The following CCNA2 variants were observed in gnomAD, a reference collection of about 807,000 sequenced individuals.
CCNA2 encodes cyclin-A2.
CCNA2 carries 3 observed loss-of-function variants against 49.4 expected under a neutral mutation model. That is an observed-to-expected ratio of 0.06 (90% CI 0.03 to 0.16). CCNA2 has a LOEUF of 0.16. CCNA2 is among the 10% of genes least tolerant of loss of function. CCNA2 has a pLI of 1.00. For missense variants in CCNA2, 372 were observed against 519.7 expected (o/e 0.72, Z 2.76); for synonymous variants, 206 against 197.2 (o/e 1.04, Z -0.37).
chr4:121,821,125 T>G, intron 2 of CCNA2, 34 bp from the exon 3 acceptor site: 1 of 1,595,414 alleles, frequency 6.3e-7, no homozygotes, highest in Non-Finnish European at 8.5e-7. Context: ...TTAAATTAAT[T>G]GTTTGCCTAT....
At chr4:121,818,524 C>G (rs3217769) in intron 6 of CCNA2, among the ~76,000 whole-genome samples, 4 of 152,092 alleles carry the variant, frequency 2.6e-5, no homozygotes, top group South Asian at 2.1e-4. Flanking sequence ...ATACCCAAAT[C>G]TGTACATATT....
rs1267823798 is a variant in CCNA2 at position 121,823,613 on chromosome 4, CAG to C, written c.14_15del (p.Ser5CysfsTer71). On this transcript the variant is annotated frameshift_variant, in exon 1 of 8. Coordinates refer to ENST00000274026, the MANE Select transcript of CCNA2 (RefSeq NM_001237.5). LOFTEE classifies it high-confidence loss of function. Reference sequence around the variant, plus strand: ...GCCTCGCGGGTCGCAGGCCCCGGCGCAGAGTTGCCCAACATCACTGCTCCCGG... The same window carrying C: ...GCCTCGCGGGTCGCAGGCCCCGGCGCAGTTGCCCAACATCACTGCTCCCGG... MLGN[S>X]APGPATREAG... 6.3e-7 allele frequency: 1 copy of C among 1,593,998 alleles called. No homozygotes were observed. Among genetic ancestry groups the C allele is most frequent in the Admixed American group, 1.7e-5 (1 of 57,680 alleles).
In CCNA2 at chr4:121,816,504, T is replaced by C; in HGVS notation, c.*1134A>G. 1 of 1,166,106 alleles carries C rather than the reference T, an allele frequency of 8.6e-7. No individual in the cohort carries two copies. Among genetic ancestry groups the C allele is most frequent in the African/African-American group, 1.6e-5 (1 of 63,930 alleles). 72.2% of individuals were successfully genotyped at this position (1,166,106 alleles called of 1,614,324 possible). A position where few individuals can be genotyped will look rare whatever the true frequency, so the allele number is the denominator to read the frequency against. ...ACATATACTCAACACTTATAGAGGT[T>C]TGCTCTCTGGTTTTACTCTCATCTT... On this transcript the variant is annotated 3_prime_UTR_variant, in exon 8 of 8. Coordinates refer to ENST00000274026, the MANE Select transcript of CCNA2 (RefSeq NM_001237.5).
rs1724634538 is a variant in CCNA2, at chr4:121,819,424, T to C, written c.950A>G (p.Gln317Arg). 1 of 1,614,010 alleles carries C rather than the reference T, an allele frequency of 6.2e-7. No homozygotes were observed. The highest frequency in any genetic ancestry group is 8.5e-7 in the Non-Finnish European group (1 of 1,180,014). ...AAPTVNQFLT[Q>R]YFLHQQPANC... ...TGCAGGCTGCTGATGCAGAAAGTAT[T>C]GGGTAAGAAACTGATTTACTGTTGG... The change falls in exon 5 of 8, where the codon CAA becomes CGA. Residue 317 changes from glutamine to arginine, a missense_variant. By Grantham distance (43) the Gln-to-Arg change is conservative (BLOSUM62 1). This residue lies in a region of CCNA2 where 155 missense variants were observed against 288.1 expected (regional missense o/e 0.54). Transcript: ENST00000274026.
At chr4:121,822,284 A>G in intron 2 of CCNA2, 119 bp downstream of exon 2, 1 of 992,158 alleles carries the variant, frequency 1.0e-6, no homozygotes, top group Non-Finnish European at 1.5e-6. Flanking sequence ...GCCTTGTTAC[A>G]TTAAACCTAA....
chr4:121,823,827 AG>A lies in CCNA2; in HGVS notation c.-200del. On this transcript the variant is annotated 5_prime_UTR_variant, in exon 1 of 8. Coordinates refer to ENST00000274026, the MANE Select transcript of CCNA2 (RefSeq NM_001237.5). ...CGAGGAGGTTGCGAAAGGCGCAGGC[AG>A]GCACTGCCCAGCGTGGCGAGCCAAA... The A allele has an allele frequency of 1.0e-6, 1 of 998,908 alleles. No individual in the cohort carries two copies. Among genetic ancestry groups the A allele is most frequent in the South Asian group, 1.8e-5 (1 of 55,348 alleles). The allele number at this position is 998,908 out of a possible 1,614,324, so 61.9% of individuals were successfully genotyped here.
At chr4:121,822,227 A>T (rs1445648378) in intron 2 of CCNA2, among the ~76,000 whole-genome samples, 176 bp downstream of exon 2, 2 of 152,186 alleles carry the variant, frequency 1.3e-5, no homozygotes, top group Non-Finnish European at 2.9e-5. Context: ...TATGTCACCA[A>T]GTCAAGTGTT....
chr4:121,817,900 C>A, intron 7 of CCNA2, 144 bp downstream of exon 7: 2 of 1,044,850 alleles, frequency 1.9e-6, no homozygotes, highest in Non-Finnish European at 1.4e-6. Flanking sequence ...AAAGCATGAA[C>A]TACAACCTTC....
rs749115043 is a variant in CCNA2 at position 121,823,571 on chromosome 4, C to A, written c.58G>T (p.Ala20Ser). Reference sequence around the variant, plus strand: ...TCTTGGAGCGCCGTCTGCTGCAATGCTAGCAGCGCCGAGCCCGCCTCGCGG... The same window carrying A: ...TCTTGGAGCGCCGTCTGCTGCAATGATAGCAGCGCCGAGCCCGCCTCGCGG... ...ATREAGSALL[A>S]LQQTALQEDQ... The change falls in exon 1 of 8, where the codon GCA becomes TCA. Residue 20 changes from alanine (A) to serine (S), a missense_variant. By Grantham distance (99) the Ala-to-Ser change is moderately conservative. Around this residue, in one of 2 missense-constraint regions of CCNA2, gnomAD observed 217 missense variants for 231.7 expected, o/e 0.94. Coordinates refer to ENST00000274026, the MANE Select transcript of CCNA2 (RefSeq NM_001237.5). 13 of 1,609,506 alleles carry A rather than the reference C, an allele frequency of 8.1e-6. No individual in the cohort carries two copies. The highest frequency in any genetic ancestry group is 1.0e-5 in the Non-Finnish European group (12 of 1,178,926).
In CCNA2 at chr4:121,820,743, C is replaced by T; in HGVS notation, c.593G>A (p.Gly198Asp). The change falls in exon 4 of 8, where the codon GGT (glycine) becomes GAT (aspartate). Residue 198 changes from glycine to aspartate, a missense_variant. Gly to Asp is a moderately conservative substitution (Grantham distance 94). Around this residue, in one of 2 missense-constraint regions of CCNA2, gnomAD observed 155 missense variants for 288.1 expected, o/e 0.54. Transcript: ENST00000274026. This position sits in a 1 kb window ranked among gnomAD's most constrained non-coding sequence, Gnocchi z 4.1. ...GATGTCTGGCTGTTTCTTCATGTAA[C>T]CCACTTTAGGTTTACATTTAACCTA... Reference protein sequence around the residue: ...EMEVKCKPKVGYMKKQPDITN... With the variant: ...EMEVKCKPKVDYMKKQPDITN... The T allele has an allele frequency of 6.2e-7, 1 of 1,611,472 alleles. No individual in the cohort carries two copies. The highest frequency in any genetic ancestry group is 8.5e-7 in the Non-Finnish European group (1 of 1,177,810).
Position 121,823,423 on chromosome 4 carries a change from G to T in CCNA2, c.206C>A (p.Thr69Lys). ...TATCCCGCATCCCTTTACCCGTCTC[G>T]TCTTCGGCCTCTGCTGCTGCGCTAG... ...RGLAQQQRPK[T>K]RRVAPLKDLP... The change falls in exon 1 of 8, where the codon ACG (threonine) becomes AAG (lysine). Residue 69 changes from threonine (T) to lysine (K), a missense_variant. Thr to Lys is a moderately conservative substitution (Grantham distance 78). Coordinates refer to ENST00000274026, the MANE Select transcript of CCNA2 (RefSeq NM_001237.5). 6.2e-7 allele frequency: 1 copy of T among 1,611,334 alleles called. No individual in the cohort carries two copies. The highest frequency in any genetic ancestry group is 8.5e-7 in the Non-Finnish European group (1 of 1,178,574).
Position 121,817,618 on chromosome 4 carries a change from A to G in CCNA2, c.*20T>C, listed in dbSNP as rs375866565. The G allele has an allele frequency of 3.1e-6, 5 of 1,613,854 alleles. No homozygotes were observed. The African/African-American group carries it at 6.7e-5, about 22-fold the overall frequency. On this transcript the variant is annotated 3_prime_UTR_variant, in exon 8 of 8. Coordinates refer to ENST00000274026, the MANE Select transcript of CCNA2 (RefSeq NM_001237.5). ...CTTTGAGTGATTTACATCTTAGAAA[A>G]CAAAGGCAGTCTTTCATTGTTACAG...
At chr4:121,821,638 G>T (rs1434325960) in intron 2 of CCNA2, among the ~76,000 whole-genome samples, 1 of 152,176 alleles carries the variant, frequency 6.6e-6, no homozygotes, top group Non-Finnish European at 1.5e-5. Context: ...TTATTTTGAA[G>T]CAAAGAGTAT....
At position 121,823,668 on chromosome 4, in the gene CCNA2, G is replaced by A. The variant is rs1463917706; in HGVS notation, c.-40C>T. 3 of 1,527,982 alleles carry A rather than the reference G, an allele frequency of 2.0e-6. No individual in the cohort carries two copies. The highest frequency in any genetic ancestry group is 2.6e-6 in the Non-Finnish European group (3 of 1,141,036). 94.7% of individuals were successfully genotyped at this position (1,527,982 alleles called of 1,614,324 possible). On this transcript the variant is annotated 5_prime_UTR_variant, in exon 1 of 8. Coordinates refer to ENST00000274026, the MANE Select transcript of CCNA2 (RefSeq NM_001237.5). ...GTGGACGGCGGGATCAGCCTGCGGC[G>A]CCAAGCAGCGTGCACTCTGCCCAGC...
rs771803520 is a variant in CCNA2, at chr4:121,818,089, G to A, written c.1205C>T (p.Pro402Leu). The change falls in exon 7 of 8, where the codon CCA (proline) becomes CTA (leucine). Residue 402 changes from proline to leucine, a missense_variant. Pro to Leu is a moderately conservative substitution (Grantham distance 98, BLOSUM62 -3). Transcript: ENST00000274026. ...TCTTATTGACTGTTGTGCATGCTGT[G>A]GTGCTTTGAGGTAGGTCTGGTGAAG... ...MDLHQTYLKA[P>L]QHAQQSIREK... 6.2e-7 allele frequency: 1 copy of A among 1,613,874 alleles called. No homozygotes were observed. Among genetic ancestry groups the A allele is most frequent in the Non-Finnish European group, 8.5e-7 (1 of 1,179,792 alleles).
rs992080626 is a variant in CCNA2, at chr4:121,823,605, C to T, written c.24G>A (p.Gly8=). Residue 8 remains glycine (G), a synonymous_variant, in exon 1 of 8, where the codon GGG becomes GGA. Transcript: ENST00000274026. MLGNSAP[G]PATREAGSAL... is the part of the protein sequence containing the mutation. ...CCGAGCCCGCCTCGCGGGTCGCAGG[C>T]CCCGGCGCAGAGTTGCCCAACATCA... 1.3e-6 allele frequency: 2 copies of T among 1,598,862 alleles called. No individual in the cohort carries two copies. The highest frequency in any genetic ancestry group is 1.7e-6 in the Non-Finnish European group (2 of 1,175,826).
chr4:121,817,588 A>G lies in CCNA2; in HGVS notation c.*50T>C. The G allele has an allele frequency of 6.2e-7, 1 of 1,610,696 alleles. No individual in the cohort carries two copies. The highest frequency in any genetic ancestry group is 8.5e-7 in the Non-Finnish European group (1 of 1,177,536). On this transcript the variant is annotated 3_prime_UTR_variant, in exon 8 of 8. Transcript: ENST00000274026. ...AAACCTAAGTTAAAAACTGTACACCATATACTTTGAGTGATTTACATCTTA... is the reference window on the plus strand; with the variant it reads ...AAACCTAAGTTAAAAACTGTACACCGTATACTTTGAGTGATTTACATCTTA...
chr4:121,819,703 A>G, intron 4 of CCNA2, 124 bp from the exon 5 acceptor site: 2 of 654,386 alleles, frequency 3.1e-6, no homozygotes, highest in Non-Finnish European at 5.4e-6. Context: ...GCATTTCCAG[A>G]CACTTGATCA....
Position 121,820,532 on chromosome 4 carries a change from G to A in CCNA2, c.794+10C>T, listed in dbSNP as rs1186691440. 3 of 1,598,806 alleles carry A rather than the reference G, an allele frequency of 1.9e-6. No individual in the cohort carries two copies. Among genetic ancestry groups the A allele is most frequent in the South Asian group, 1.1e-5 (1 of 90,118 alleles). ...CGTGATCACTTTTAAACAAACCAAGGTAGACTTACGAGGCTAACAGCATAG... is the reference window on the plus strand; with the variant it reads ...CGTGATCACTTTTAAACAAACCAAGATAGACTTACGAGGCTAACAGCATAG... On this transcript the variant is annotated intron_variant, in intron 4 of 7. Coordinates refer to ENST00000274026, the MANE Select transcript of CCNA2 (RefSeq NM_001237.5). This position sits in a 1 kb window ranked among gnomAD's most constrained non-coding sequence, Gnocchi z 4.1.
Sources: allele counts gnomAD v4.1 joint callset (sites outside exome capture counted in the v4.1 genomes callset), GRCh38; gene constraint gnomAD v4.1.1; regional missense constraint gnomAD v4.1.1; non-coding constraint Gnocchi (gnomAD v3.1); transcripts MANE v1.5; gene names NCBI Gene and HGNC (gene_info 2026-07-23, HGNC 2026-07-21).